The following KCNC2 variants were observed in gnomAD, a reference collection of about 807,000 sequenced individuals.
The protein encoded by KCNC2 is potassium voltage-gated channel subfamily C member 2.
Under a neutral mutation model 44.5 loss-of-function variants are expected in KCNC2, and 21 were observed. The ratio of observed to expected loss-of-function variants is 0.47; its 90% CI spans 0.33 to 0.68. The LOEUF (loss-of-function observed/expected upper bound fraction) is 0.68. KCNC2 is among the 30% of genes least tolerant of loss of function. The probability of loss-of-function intolerance (pLI) is 0.01; values close to 1 mark genes in which losing one functional copy is unlikely to be tolerated. For synonymous variants in KCNC2, 391 were observed against 339.1 expected (o/e 1.15, Z -1.68); for missense variants, 589 against 826.2 (o/e 0.71, Z 3.52).
chr12:75,153,840 T>C (rs936683307), intron 2 of KCNC2, among the ~76,000 whole-genome samples: 4 of 151,904 alleles, frequency 2.6e-5, no homozygotes, highest in Non-Finnish European at 4.4e-5. Flanking sequence ...TCATCATAAA[T>C]GTCTTCACCC....
At chr12:75,126,961 GA>G (rs1189396506) in intron 2 of KCNC2, among the ~76,000 whole-genome samples, 1 of 152,034 alleles carries the variant, frequency 6.6e-6, no homozygotes, top group Non-Finnish European at 1.5e-5. Flanking sequence ...TATAATAATC[GA>G]AAAGCTTCGA....
At chr12:75,154,844 C>T (rs947931923) in intron 2 of KCNC2, among the ~76,000 whole-genome samples, 13 of 151,948 alleles carry the variant, frequency 8.6e-5, no homozygotes, top group African/African-American at 3.1e-4. Context: ...AGTCGTGTGG[C>T]TTTCTACAAT....
At chr12:75,202,407 T>A (rs146256986) in intron 2 of KCNC2, among the ~76,000 whole-genome samples, 1,526 of 151,924 alleles carry the variant, frequency 0.01, 31 homozygotes, top group African/African-American at 0.035. Context: ...TAAAATTAAA[T>A]TTATTTATAA....
At chr12:75,143,761 T>C (rs1778805710) in intron 2 of KCNC2, among the ~76,000 whole-genome samples, 1 of 152,202 alleles carries the variant, frequency 6.6e-6, no homozygotes, top group South Asian at 2.1e-4. Context: ...AGTTGTATTT[T>C]TCACCATGAC....
At chr12:75,208,507 C>T (rs995944929) in intron 1 of KCNC2, among the ~76,000 whole-genome samples, 1 of 151,840 alleles carries the variant, frequency 6.6e-6, no homozygotes, top group Non-Finnish European at 1.5e-5. Flanking sequence ...CTTCCCCTAG[C>T]TTGGATGCAA....
chr12:75,042,216 TTTA>T lies in KCNC2; in HGVS notation c.*886_*888del. 6 of 1,395,934 alleles carry T rather than the reference TTTA, an allele frequency of 4.3e-6. No individual in the cohort carries two copies. In the South Asian group the frequency reaches 5.4e-5, roughly 13 times the overall value. The allele number at this position is 1,395,934 out of a possible 1,614,324, so 86.5% of individuals were successfully genotyped here. A position where few individuals can be genotyped will look rare whatever the true frequency, so the allele number is the denominator to read the frequency against. ...TGACAAACCCTGGGTATTTTTTTTT[TTTA>T]AAGAGTCTAGAACCAAGCAGCAATT... On this transcript the variant is annotated 3_prime_UTR_variant, in exon 5 of 5. Transcript: ENST00000549446.
At chr12:75,145,093 C>A (rs1889921253) in intron 2 of KCNC2, among the ~76,000 whole-genome samples, 1 of 152,172 alleles carries the variant, frequency 6.6e-6, no homozygotes, top group African/African-American at 2.4e-5. Flanking sequence ...AGCCTTGCAA[C>A]ATCTGTGTGC....
chr12:75,206,627 C>T (rs1765771987), intron 2 of KCNC2, among the ~76,000 whole-genome samples: 3 of 152,148 alleles, frequency 2.0e-5, no homozygotes, highest in Non-Finnish European at 4.4e-5. Flanking sequence ...GCAAAAGGGA[C>T]GAGGCTCAAA....
chr12:75,094,586 C>T (rs1301586114), intron 2 of KCNC2, among the ~76,000 whole-genome samples: 1 of 151,732 alleles, frequency 6.6e-6, no homozygotes, highest in Non-Finnish European at 1.5e-5. Flanking sequence ...TATAGCCCCT[C>T]TGCCACCCAG....
At chr12:75,205,556 C>T (rs12302917) in intron 2 of KCNC2, among the ~76,000 whole-genome samples, 2 of 152,120 alleles carry the variant, frequency 1.3e-5, no homozygotes, top group African/African-American at 4.8e-5. Flanking sequence ...TGAACACCTT[C>T]TTAAAGTTTT....
intron 2 of KCNC2, among the ~76,000 whole-genome samples, chr12:75,103,681 G>A (rs2137193174): frequency 6.6e-6 from 1 of 152,134 alleles, no homozygotes; most frequent in South Asian, 2.1e-4. Context: ...TTATCTTTGG[G>A]GGATATGTTC....
intron 2 of KCNC2, among the ~76,000 whole-genome samples, chr12:75,071,838 GAGGCAGGAGA>G: frequency 6.7e-6 from 1 of 148,402 alleles, no homozygotes; most frequent in East Asian, 2.0e-4. Context: ...TGAGGAGGCT[GAGGCAGGAGA>G]ATCGCTTGAA....
At chr12:75,162,871 T>C (rs1284733332) in intron 2 of KCNC2, among the ~76,000 whole-genome samples, 2 of 151,754 alleles carry the variant, frequency 1.3e-5, no homozygotes, top group African/African-American at 4.8e-5. Context: ...GGTCAGTCTA[T>C]TGACTAGAGA....
At chr12:75,150,209 A>G (rs944375808) in intron 2 of KCNC2, among the ~76,000 whole-genome samples, 1 of 151,898 alleles carries the variant, frequency 6.6e-6, no homozygotes, top group African/African-American at 2.4e-5. Context: ...TATTCTCAAT[A>G]ATTTGGATGA....
intron 2 of KCNC2, among the ~76,000 whole-genome samples, chr12:75,074,277 G>T (rs938288480): frequency 2.2e-4 from 25 of 112,278 alleles, no homozygotes; most frequent in African/African-American, 8.8e-4. Context: ...TAAAGTTGCT[G>T]TTGAAATTCT....
At chr12:75,074,744 G>A (rs1018985639) in intron 2 of KCNC2, among the ~76,000 whole-genome samples, 3 of 152,164 alleles carry the variant, frequency 2.0e-5, no homozygotes, top group African/African-American at 7.2e-5. Flanking sequence ...AACATTATAT[G>A]ATACTGAGAT....
Position 75,042,569 on chromosome 12 carries a change from G to T in KCNC2, c.*536C>A. 1 of 1,382,228 alleles carries T rather than the reference G, an allele frequency of 7.2e-7. No individual in the cohort carries two copies. Among genetic ancestry groups the T allele is most frequent in the Non-Finnish European group, 9.3e-7 (1 of 1,070,638 alleles). 85.6% of individuals were successfully genotyped at this position (1,382,228 alleles called of 1,614,324 possible). A position where few individuals can be genotyped will look rare whatever the true frequency, so the allele number is the denominator to read the frequency against. On this transcript the variant is annotated 3_prime_UTR_variant, in exon 5 of 5. Coordinates refer to ENST00000549446, the MANE Select transcript of KCNC2 (RefSeq NM_139137.4). The stretch of plus-strand genomic sequence containing the variant: ...GTCGACCAATGCTTTCATATCAGCA[G>T]GATGGTTCGATGCAAGTACACATAT...
At chr12:75,067,889 A>T (rs933131364) in intron 2 of KCNC2, among the ~76,000 whole-genome samples, 2 of 151,990 alleles carry the variant, frequency 1.3e-5, no homozygotes, top group African/African-American at 4.8e-5. Flanking sequence ...AAAAAAAAAC[A>T]TACTTTTTTT....
intron 2 of KCNC2, among the ~76,000 whole-genome samples, chr12:75,201,706 G>A (rs1484678737): frequency 2.0e-5 from 3 of 151,734 alleles, no homozygotes; most frequent in East Asian, 3.8e-4. Context: ...CACCGTGTTA[G>A]GATTATTACC....
Sources: gnomAD v4.1 joint callset for allele counts (sites outside exome capture counted in the v4.1 genomes callset) on GRCh38, gnomAD v4.1.1 for gene constraint, MANE v1.5 for transcripts, NCBI Gene and HGNC (gene_info 2026-07-23, HGNC 2026-07-21) for gene names.